Variants in MAGI3 observed in about 807,000 individuals in gnomAD.
MAGI3 encodes the protein membrane-associated guanylate kinase, WW and PDZ domain-containing protein 3.
Under a neutral mutation model 121.8 loss-of-function variants are expected in MAGI3, and 43 were observed. The observed-to-expected ratio is 0.35, with a 90% CI of 0.28 to 0.46. The LOEUF is 0.46. MAGI3 is among the 20% of genes least tolerant of loss of function. The probability of loss-of-function intolerance (pLI) is 1.00; values close to 1 mark genes in which losing one functional copy is unlikely to be tolerated. For synonymous variants in MAGI3, 553 were observed against 639.3 expected, an observed-to-expected ratio of 0.86 and a Z score of 2.04; for missense variants, 1,547 against 1,797.3, an observed-to-expected ratio of 0.86 and a Z score of 2.52.
rs530907244 is a variant in MAGI3, at chr1:113,676,238, G to A, written c.3189+2773G>A. On this transcript the variant is annotated intron_variant, in intron 19 of 20. Coordinates refer to ENST00000307546, the MANE Select transcript of MAGI3 (RefSeq NM_001142782.2). ...ATCCACTAATCTCAGTAAACCAAAG[G>A]CAAACAGGCCTTAAAGCAAAGTCTA... is the stretch of plus-strand genomic sequence containing the variant. Among the ~76,000 whole-genome samples, 25 of 152,158 alleles carry A rather than the reference G, an allele frequency of 1.6e-4. No homozygotes were observed. The South Asian group carries it at 5.2e-3, about 32-fold the overall frequency.
At chr1:113,665,824 T>C (rs1654017827) in intron 16 of MAGI3, among the ~76,000 whole-genome samples, 1 of 152,190 alleles carries the variant, frequency 6.6e-6, no homozygotes, top group African/African-American at 2.4e-5. Flanking sequence ...TTTTATCTTT[T>C]GAAAATACAC....
At chr1:113,653,703 G>C (rs1276180548) in intron 14 of MAGI3, 127 bp from the exon 15 acceptor site, 2 of 734,308 alleles carry the variant, frequency 2.7e-6, no homozygotes, top group East Asian at 5.9e-5. Flanking sequence ...TCACATGTGG[G>C]GCTGCTTTTC....
intron 1 of MAGI3, among the ~76,000 whole-genome samples, chr1:113,530,464 G>A (rs927385122): frequency 6.6e-6 from 1 of 151,944 alleles, no homozygotes; most frequent in Non-Finnish European, 1.5e-5. Context: ...AGGGTGGGAG[G>A]AGGGAGAGGA....
At chr1:113,482,645 CTTTTT>C (rs59465922) in intron 1 of MAGI3, among the ~76,000 whole-genome samples, 4 of 122,186 alleles carry the variant, frequency 3.3e-5, no homozygotes, top group Admixed American at 8.2e-5. Context: ...CCTCAACCTA[CTTTTT>C]TTTTTTTTTT....
intron 1 of MAGI3, among the ~76,000 whole-genome samples, chr1:113,517,973 A>G (rs1277923785): frequency 6.6e-6 from 1 of 151,850 alleles, no homozygotes. Flanking sequence ...CTTTCTCTTA[A>G]TCTTATAATG....
Position 113,683,153 on chromosome 1 carries a change from T to C in MAGI3, c.3585T>C (p.Asp1195=). The stretch of plus-strand genomic sequence containing the variant: ...TCCAGAAAAATGTGAGTAAGAGGGA[T>C]CCACCCAGCAGTCATGGGCACAGTA... The part of the protein sequence containing the change: ...SLLQKNVSKR[D]PPSSHGHSNK... Residue 1195 remains aspartate (D), a synonymous_variant, in exon 21 of 21, where the codon GAT becomes GAC. Transcript: ENST00000307546. 1 of 1,613,566 alleles carries C rather than the reference T, an allele frequency of 6.2e-7. No homozygotes were observed. Among genetic ancestry groups the C allele is most frequent in the East Asian group, 2.2e-5 (1 of 44,884 alleles).
chr1:113,581,381 C>A (rs1165768345), intron 3 of MAGI3, among the ~76,000 whole-genome samples: 1 of 152,082 alleles, frequency 6.6e-6, no homozygotes, highest in African/African-American at 2.4e-5. Flanking sequence ...AAATATCTAA[C>A]CTGGAATTCA....
intron 16 of MAGI3, among the ~76,000 whole-genome samples, chr1:113,667,879 A>C (rs1647262111): frequency 6.6e-6 from 1 of 152,186 alleles, no homozygotes; most frequent in African/African-American, 2.4e-5. Context: ...GAGAGGGAGA[A>C]AGATGGGGAA....
intron 9 of MAGI3, among the ~76,000 whole-genome samples, chr1:113,636,366 A>G (rs1163495589): frequency 2.0e-5 from 3 of 152,066 alleles, no homozygotes; most frequent in Non-Finnish European, 2.9e-5. Flanking sequence ...TGGGCATTTC[A>G]TGCTATAAAT....
chr1:113,489,898 C>T (rs191023650), intron 1 of MAGI3, among the ~76,000 whole-genome samples: 12 of 152,020 alleles, frequency 7.9e-5, no homozygotes, highest in Non-Finnish European at 1.5e-4. Flanking sequence ...TGTAAAGAGA[C>T]CAAATTTATG....
At chr1:113,660,719 A>T (rs1349150707) in intron 16 of MAGI3, among the ~76,000 whole-genome samples, 3 of 147,544 alleles carry the variant, frequency 2.0e-5, no homozygotes, top group African/African-American at 7.6e-5. Context: ...GGCTCAAGTG[A>T]TCCTCTGACC....
intron 9 of MAGI3, among the ~76,000 whole-genome samples, chr1:113,629,757 T>TCTCTCTCTCCCTCTCC (rs1553209675): frequency 7.1e-4 from 68 of 95,742 alleles, no homozygotes; most frequent in Non-Finnish European, 9.4e-4. Flanking sequence ...TCTCTCTCTC[T>TCTCTCTCTCCCTCTCC]CTCTCCCTCC....
At chr1:113,434,287 A>G (rs1375285577) in intron 1 of MAGI3, among the ~76,000 whole-genome samples, 4 of 152,166 alleles carry the variant, frequency 2.6e-5, no homozygotes, top group Non-Finnish European at 5.9e-5. Context: ...GCACACTGAT[A>G]GGCCAGGCAA....
intron 1 of MAGI3, among the ~76,000 whole-genome samples, chr1:113,547,566 T>C (rs979035083): frequency 1.3e-5 from 2 of 152,212 alleles, no homozygotes; most frequent in Non-Finnish European, 2.9e-5. Flanking sequence ...ACGAAAACTT[T>C]TGTATAACAT....
At chr1:113,603,166 G>A (rs115196950) in intron 6 of MAGI3, among the ~76,000 whole-genome samples, 2,403 of 152,028 alleles carry the variant, frequency 0.016, 70 homozygotes, top group African/African-American at 0.055. Context: ...CAAACACCAC[G>A]GAAATACAAA....
At chr1:113,652,180 A>T (rs1279888764) in intron 14 of MAGI3, among the ~76,000 whole-genome samples, 1 of 152,048 alleles carries the variant, frequency 6.6e-6, no homozygotes, top group Non-Finnish European at 1.5e-5. Flanking sequence ...CAGTAGCTTT[A>T]TGAATAATTA....
chr1:113,425,664 A>C (rs1031007053), intron 1 of MAGI3, among the ~76,000 whole-genome samples: 1 of 152,124 alleles, frequency 6.6e-6, no homozygotes, highest in African/African-American at 2.4e-5. Context: ...GGAATGGTCC[A>C]TTTCTTCAAA....
intron 1 of MAGI3, among the ~76,000 whole-genome samples, chr1:113,419,156 G>A (rs944296924): frequency 1.3e-5 from 2 of 151,984 alleles, no homozygotes; most frequent in Non-Finnish European, 2.9e-5. Flanking sequence ...CCATTTTTAG[G>A]AAATTTTAAT....
At chr1:113,407,382 G>A (rs930485099) in intron 1 of MAGI3, among the ~76,000 whole-genome samples, 4 of 152,106 alleles carry the variant, frequency 2.6e-5, no homozygotes, top group Non-Finnish European at 4.4e-5. Flanking sequence ...GACTTCAAGA[G>A]AACCTCTAGG....
Sources: gnomAD v4.1 joint callset for allele counts (sites outside exome capture counted in the v4.1 genomes callset) on GRCh38, gnomAD v4.1.1 for gene constraint, MANE v1.5 for transcripts, NCBI Gene and HGNC (gene_info 2026-07-23, HGNC 2026-07-21) for gene names.